Variants in SEMA3D observed in about 807,000 individuals in gnomAD.
The protein encoded by SEMA3D is semaphorin-3D.
A neutral mutation model predicts 100.1 loss-of-function variants in SEMA3D; 84 were observed. The observed-to-expected ratio is 0.84, with a 90% CI of 0.70 to 1.01. SEMA3D has a LOEUF of 1.01. Ranked by LOEUF, SEMA3D falls within the 50% of genes least tolerant of loss-of-function variation. The pLI, the probability that SEMA3D is intolerant of heterozygous loss-of-function variation, is 0.00. For synonymous variants in SEMA3D, 312 were observed against 320.7 expected (o/e 0.97, Z 0.29); for missense variants, 875 against 934.1 (o/e 0.94, Z 0.82).
At chr7:85,030,595 G>T (rs1790520814) in intron 12 of SEMA3D, among the ~76,000 whole-genome samples, 1 of 151,914 alleles carries the variant, frequency 6.6e-6, no homozygotes, top group Non-Finnish European at 1.5e-5. Context: ...TCAAAAACAA[G>T]TATTTTCTCC....
chr7:85,169,138 A>T (rs1274544734), intron 1 of SEMA3D, among the ~76,000 whole-genome samples: 1 of 151,768 alleles, frequency 6.6e-6, no homozygotes, highest in African/African-American at 2.4e-5. Context: ...AATTAGAAGG[A>T]TTTTCAAATA....
chr7:85,012,710 T>A, intron 17 of SEMA3D, 72 bp downstream of exon 17: 1 of 1,145,320 alleles, frequency 8.7e-7, no homozygotes, highest in Non-Finnish European at 1.3e-6. Flanking sequence ...GTTTAAGTCA[T>A]ATAATAAAAA....
At chr7:85,094,707 C>A (rs1444269795) in intron 4 of SEMA3D, among the ~76,000 whole-genome samples, 1 of 151,884 alleles carries the variant, frequency 6.6e-6, no homozygotes, top group African/African-American at 2.4e-5. Flanking sequence ...CCATTTTGAT[C>A]TAGTGTTGGG....
At chr7:85,036,837 GAATTA>G in intron 12 of SEMA3D, 47 bp downstream of exon 12, 1 of 1,422,584 alleles carries the variant, frequency 7.0e-7, no homozygotes, top group Non-Finnish European at 9.6e-7. Context: ...ATTAAATTAA[GAATTA>G]AATATGAGCT....
rs184393764 is a variant in SEMA3D at position 85,031,672 on chromosome 7, C to T, written c.1191+5217G>A. ...GAGAGCATGAACATATGTTTACCTT[C>T]GCTGGGCTTGTTTCTTATCTATAAA... On this transcript the variant is annotated intron_variant, in intron 12 of 18. Coordinates refer to ENST00000284136, the MANE Select transcript of SEMA3D (RefSeq NM_001384900.1). Among the ~76,000 whole-genome samples, 175 of 152,006 alleles carry T rather than the reference C, an allele frequency of 1.2e-3. 1 individual carries two copies. The highest frequency in any genetic ancestry group is 3.7e-3 in the East Asian group (19 of 5,142).
At chr7:85,108,426 AT>A (rs1788994897) in intron 3 of SEMA3D, among the ~76,000 whole-genome samples, 1 of 152,058 alleles carries the variant, frequency 6.6e-6, no homozygotes, top group African/African-American at 2.4e-5. Context: ...TCCTTTTCTA[AT>A]CTTCATATTC....
rs1386261475 is a variant in SEMA3D, at chr7:85,122,637, GA to G, written c.-40-707del. Reference sequence around the variant, plus strand: ...TAAAACAGACAAAAGCTGTCATTTTGAGACAAGTTCTCTTGTTTCTGAGTTT... The same window carrying G: ...TAAAACAGACAAAAGCTGTCATTTTGGACAAGTTCTCTTGTTTCTGAGTTT... On this transcript the variant is annotated intron_variant, in intron 2 of 18. Coordinates refer to ENST00000284136, the MANE Select transcript of SEMA3D (RefSeq NM_001384900.1). 3.9e-5 allele frequency among the ~76,000 whole-genome samples: 6 copies of G among 152,108 alleles called. No homozygotes were observed. The East Asian group carries it at 1.2e-3, about 29-fold the overall frequency.
chr7:85,119,734 C>A (rs1316226577), intron 3 of SEMA3D, among the ~76,000 whole-genome samples: 1 of 152,134 alleles, frequency 6.6e-6, no homozygotes, highest in African/African-American at 2.4e-5. Flanking sequence ...TGTAACAAAC[C>A]TGGGCATGCA....
chr7:85,214,458 G>T, the SEMA3D span, among the ~76,000 whole-genome samples: 7 of 151,884 alleles, frequency 4.6e-5, no homozygotes, highest in African/African-American at 1.7e-4. Flanking sequence ...CTGGAAGGAG[G>T]GAATGAGATG....
chr7:85,077,031 G>A (rs758926182), intron 5 of SEMA3D, among the ~76,000 whole-genome samples: 8 of 151,524 alleles, frequency 5.3e-5, no homozygotes, highest in South Asian at 2.1e-4. Context: ...GCTTGAACCC[G>A]GGCAGCAGAG....
At chr7:85,118,426 C>T (rs1441890848) in intron 3 of SEMA3D, among the ~76,000 whole-genome samples, 3 of 151,840 alleles carry the variant, frequency 2.0e-5, no homozygotes, top group South Asian at 4.1e-4. Flanking sequence ...TGTATCTGGA[C>T]ATTATGGATA....
intron 18 of SEMA3D, among the ~76,000 whole-genome samples, chr7:85,002,724 G>A (rs1243120692): frequency 1.3e-5 from 2 of 152,078 alleles, no homozygotes; most frequent in African/African-American, 4.8e-5. Context: ...GTTTGAGCTG[G>A]GGTCAACTAT....
Position 85,042,643 on chromosome 7 carries a change from G to C in SEMA3D, c.862-358C>G, listed in dbSNP as rs1449457689. Among the ~76,000 whole-genome samples the C allele has an allele frequency of 1.3e-5, 2 of 152,074 alleles. 1 individual carries two copies. The highest frequency in any genetic ancestry group is 4.1e-4 in the South Asian group (2 of 4,834). ...TCTCTGTTTTCTCACTGATAAAAAT[G>C]ATAAATCTCTTGAAATACGGTTAGT... On this transcript the variant is annotated intron_variant, in intron 9 of 18. Coordinates refer to ENST00000284136, the MANE Select transcript of SEMA3D (RefSeq NM_001384900.1).
At chr7:85,002,599 T>A (rs1183082502) in intron 18 of SEMA3D, among the ~76,000 whole-genome samples, 1 of 152,124 alleles carries the variant, frequency 6.6e-6, no homozygotes, top group East Asian at 1.9e-4. Context: ...TTTAGAAAAT[T>A]CAGCTCCTCA....
At chr7:85,217,628 T>C in the SEMA3D span, among the ~76,000 whole-genome samples, 1 of 152,050 alleles carries the variant, frequency 6.6e-6, no homozygotes, top group African/African-American at 2.4e-5. Flanking sequence ...GGCCCTTTTG[T>C]TGTCATGTTT....
intron 1 of SEMA3D, among the ~76,000 whole-genome samples, chr7:85,156,011 T>C (rs1300154913): frequency 6.6e-6 from 1 of 152,222 alleles, no homozygotes; most frequent in Non-Finnish European, 1.5e-5. Context: ...GTTAGTTTTA[T>C]CACCTATTTG....
intron 12 of SEMA3D, among the ~76,000 whole-genome samples, chr7:85,036,620 A>G (rs780826867): frequency 6.6e-6 from 1 of 152,058 alleles, no homozygotes; most frequent in Admixed American, 6.6e-5. Context: ...AATCTTTCCA[A>G]TGATTCTATA....
intron 17 of SEMA3D, among the ~76,000 whole-genome samples, chr7:85,007,169 CT>C (rs1413490949): frequency 6.6e-6 from 1 of 151,756 alleles, no homozygotes; most frequent in Non-Finnish European, 1.5e-5. Flanking sequence ...AATATATTAG[CT>C]ATTTGCACTT....
intron 12 of SEMA3D, among the ~76,000 whole-genome samples, chr7:85,023,367 A>C (rs1790307761): frequency 1.3e-5 from 2 of 151,708 alleles, no homozygotes; most frequent in Admixed American, 1.3e-4. Context: ...TTATAATTAG[A>C]CTTTTTTTTT....
Sources: allele counts gnomAD v4.1 joint callset (sites outside exome capture counted in the v4.1 genomes callset), GRCh38; gene constraint gnomAD v4.1.1; transcripts MANE v1.5; gene names NCBI Gene and HGNC (gene_info 2026-07-23, HGNC 2026-07-21).